TMEM135: variants seen among roughly 807,000 people sequenced by gnomAD.
TMEM135 encodes the protein transmembrane protein 135, also known as peroxisomal membrane protein 52.
In TMEM135, 30 loss-of-function variants were observed where a neutral mutation model predicts 60.3. The observed-to-expected ratio is 0.50, with a 90% CI of 0.37 to 0.68. The LOEUF is 0.68. Ranked by LOEUF, TMEM135 falls within the 30% of genes least tolerant of loss-of-function variation. The pLI, the probability that TMEM135 is intolerant of heterozygous loss-of-function variation, is 0.00. For missense variants in TMEM135, 468 were observed against 548.8 expected, an observed-to-expected ratio of 0.85 and a Z score of 1.47; for synonymous variants, 190 against 186.7, an observed-to-expected ratio of 1.02 and a Z score of -0.14.
chr11:87,100,918 G>A (rs1029178519), intron 4 of TMEM135, among the ~76,000 whole-genome samples: 3 of 152,102 alleles, frequency 2.0e-5, no homozygotes, highest in Non-Finnish European at 2.9e-5. Flanking sequence ...TTGATAAGTT[G>A]CAATTATTAG....
At chr11:87,092,546 A>G (rs967942005) in intron 4 of TMEM135, among the ~76,000 whole-genome samples, 4 of 152,204 alleles carry the variant, frequency 2.6e-5, no homozygotes, top group African/African-American at 9.6e-5. Context: ...CCAGAAAATT[A>G]GGAGTTCTAA....
At chr11:87,142,686 T>G (rs576270894) in intron 4 of TMEM135, among the ~76,000 whole-genome samples, 63 of 151,294 alleles carry the variant, frequency 4.2e-4, no homozygotes, top group Non-Finnish European at 6.1e-4. Context: ...CTTCCAGATT[T>G]CCTCCTCCTC....
chr11:87,257,554 A>G (rs1941552972), intron 6 of TMEM135, among the ~76,000 whole-genome samples: 1 of 152,164 alleles, frequency 6.6e-6, no homozygotes, highest in Non-Finnish European at 1.5e-5. Flanking sequence ...TCATGGGGTT[A>G]TTGTATTGAA....
At chr11:87,256,597 G>T (rs1021060426) in intron 6 of TMEM135, among the ~76,000 whole-genome samples, 4 of 152,046 alleles carry the variant, frequency 2.6e-5, no homozygotes, top group Non-Finnish European at 5.9e-5. Context: ...GTCAATAACT[G>T]GAGTTCTGTA....
intron 7 of TMEM135, among the ~76,000 whole-genome samples, chr11:87,299,660 A>G (rs562904280): frequency 1.3e-5 from 2 of 152,340 alleles, no homozygotes. Flanking sequence ...AATGAGCCAG[A>G]TATAGTCTCT....
chr11:87,299,281 T>TC lies in TMEM135; in HGVS notation c.552-3014dup, dbSNP rs550830601. The stretch of plus-strand genomic sequence containing the variant: ...TAGGGAGGCCTCAGGAAACTTACAA[T>TC]CATGGCAGAAGGCCAAGAGGAAGCA... On this transcript the variant is annotated intron_variant, in intron 7 of 14. Coordinates refer to ENST00000305494, the MANE Select transcript of TMEM135 (RefSeq NM_022918.4). Among the ~76,000 whole-genome samples, 412 of 152,284 alleles carry TC rather than the reference T, an allele frequency of 2.7e-3. 2 individuals are homozygous for TC. Among genetic ancestry groups the TC allele is most frequent in the African/African-American group, 9.1e-3 (380 of 41,564 alleles).
intron 5 of TMEM135, among the ~76,000 whole-genome samples, chr11:87,180,854 C>T (rs1246941942): frequency 2.0e-5 from 3 of 152,120 alleles, no homozygotes; most frequent in Admixed American, 6.6e-5. Context: ...TTAGCATGAC[C>T]AAGAGTGTCA....
intron 2 of TMEM135, among the ~76,000 whole-genome samples, chr11:87,070,440 C>T (rs559189127): frequency 2.6e-5 from 4 of 151,834 alleles, no homozygotes; most frequent in African/African-American, 4.8e-5. Flanking sequence ...GTCAGGAGTT[C>T]GAGACCAGCC....
At chr11:87,228,757 A>G (rs759376917) in intron 5 of TMEM135, among the ~76,000 whole-genome samples, 8 of 152,218 alleles carry the variant, frequency 5.3e-5, no homozygotes, top group Non-Finnish European at 1.2e-4. Flanking sequence ...TCAGTTCTCT[A>G]GTAGAATTTA....
At chr11:87,259,166 C>G in intron 6 of TMEM135, 1 of 597,352 alleles carries the variant, frequency 1.7e-6, no homozygotes, top group Admixed American at 2.4e-5. Context: ...CTAGCTTCTC[C>G]TCGTCGTCCT....
chr11:87,178,051 A>G (rs1406679337), intron 5 of TMEM135, among the ~76,000 whole-genome samples: 1 of 152,154 alleles, frequency 6.6e-6, no homozygotes, highest in Non-Finnish European at 1.5e-5. Flanking sequence ...ACCAAGCCTC[A>G]GTGTTCAGAG....
At chr11:87,131,066 A>AT (rs1565454696) in intron 4 of TMEM135, among the ~76,000 whole-genome samples, 1 of 150,790 alleles carries the variant, frequency 6.6e-6, no homozygotes, top group African/African-American at 2.4e-5. Context: ...GATAGGCTTT[A>AT]TTTTTTTAAA....
intron 6 of TMEM135, among the ~76,000 whole-genome samples, chr11:87,252,959 A>G (rs1251943180): frequency 6.6e-6 from 1 of 151,874 alleles, no homozygotes; most frequent in Non-Finnish European, 1.5e-5. Flanking sequence ...TTGTTCAATG[A>G]GAAGAAGTAT....
At chr11:87,136,897 C>T (rs1938116926) in intron 4 of TMEM135, among the ~76,000 whole-genome samples, 2 of 151,818 alleles carry the variant, frequency 1.3e-5, no homozygotes, top group Admixed American at 1.3e-4. Context: ...TCTTCTTTTC[C>T]AGATTATAGT....
intron 9 of TMEM135, among the ~76,000 whole-genome samples, chr11:87,308,662 A>G (rs939629861): frequency 1.3e-5 from 2 of 152,140 alleles, no homozygotes; most frequent in African/African-American, 4.8e-5. Flanking sequence ...ACTGTACAGA[A>G]AGTACTATTC....
rs1590857973 is a variant in TMEM135, at chr11:87,302,280, G to T, written c.552-16G>T. 1 of 1,609,944 alleles carries T rather than the reference G, an allele frequency of 6.2e-7. No homozygotes were observed. The highest frequency in any genetic ancestry group is 8.5e-7 in the Non-Finnish European group (1 of 1,178,360). ...TTTTAAGTGAAAAATGCCTCACATT[G>T]TGCTCTTTTCTTTAGGTTCATTGTA... On this transcript the variant is annotated splice_polypyrimidine_tract_variant and intron_variant, in intron 7 of 14. Transcript: ENST00000305494.
intron 6 of TMEM135, among the ~76,000 whole-genome samples, chr11:87,246,498 G>A (rs1368991665): frequency 1.3e-5 from 2 of 152,172 alleles, no homozygotes; most frequent in Non-Finnish European, 2.9e-5. Context: ...CCAGTCAGAC[G>A]TAGATTTGGT....
At chr11:87,237,558 G>T (rs1156675573) in intron 6 of TMEM135, among the ~76,000 whole-genome samples, 1 of 151,814 alleles carries the variant, frequency 6.6e-6, no homozygotes, top group Non-Finnish European at 1.5e-5. Flanking sequence ...AACCATACCA[G>T]AATTTTTAAA....
In TMEM135 at chr11:87,288,142, T is replaced by G. The variant is rs1942202824; in HGVS notation, c.510-7640T>G. Among the ~76,000 whole-genome samples the G allele has an allele frequency of 2.6e-5, 4 of 152,224 alleles. No individual in the cohort carries two copies. In the South Asian group the frequency reaches 8.3e-4, roughly 31 times the overall value. Reference sequence around the variant, plus strand: ...ATACGTATCCTATTAGAGGACTTTCTGTAACAATGCCATATGTAAATAATA... The same window carrying G: ...ATACGTATCCTATTAGAGGACTTTCGGTAACAATGCCATATGTAAATAATA... On this transcript the variant is annotated intron_variant, in intron 6 of 14. Coordinates refer to ENST00000305494, the MANE Select transcript of TMEM135 (RefSeq NM_022918.4).
Sources: gnomAD v4.1 joint callset for allele counts (sites outside exome capture counted in the v4.1 genomes callset) on GRCh38, gnomAD v4.1.1 for gene constraint, MANE v1.5 for transcripts, NCBI Gene and HGNC (gene_info 2026-07-23, HGNC 2026-07-21) for gene names.